The following LATS1 variants were observed in gnomAD, a reference collection of about 807,000 sequenced individuals.
LATS1 encodes large tumor suppressor kinase 1.
LATS1 carries 25 observed loss-of-function variants against 106.6 expected under a neutral mutation model. The ratio of observed to expected loss-of-function variants is 0.23; its 90% CI spans 0.17 to 0.33. The LOEUF (loss-of-function observed/expected upper bound fraction) is 0.33. Among genes scored for constraint, LATS1 ranks in the 10% least tolerant of loss-of-function variants. The probability of loss-of-function intolerance (pLI) is 1.00; values close to 1 mark genes in which losing one functional copy is unlikely to be tolerated. For synonymous variants in LATS1, 465 were observed against 455.6 expected (o/e 1.02, Z -0.26); for missense variants, 1,040 against 1,382.6 (o/e 0.75, Z 3.93).
chr6:149,696,343 T>C (rs1414237842), intron 2 of LATS1, among the ~76,000 whole-genome samples: 1 of 150,220 alleles, frequency 6.7e-6, no homozygotes, highest in Non-Finnish European at 1.5e-5. Flanking sequence ...CCGAGGCGGA[T>C]AGATCACCTG....
chr6:149,661,364 T>C lies in LATS1; in HGVS notation c.*365A>G, dbSNP rs1362133208. 4.2e-6 allele frequency: 1 copy of C among 240,596 alleles called. No homozygotes were observed. The highest frequency in any genetic ancestry group is 8.1e-6 in the Non-Finnish European group (1 of 123,860). 14.9% of individuals were successfully genotyped at this position (240,596 alleles called of 1,614,324 possible). A position where few individuals can be genotyped will look rare whatever the true frequency, so the allele number is the denominator to read the frequency against. ...AAAGCAAGATAAAACTAAAACTGTCTTTCAAAAAAATTTCAAAAACTCTTG... is the reference window on the plus strand; with the variant it reads ...AAAGCAAGATAAAACTAAAACTGTCCTTCAAAAAAATTTCAAAAACTCTTG... On this transcript the variant is annotated 3_prime_UTR_variant, in exon 8 of 8. Coordinates refer to ENST00000543571, the MANE Select transcript of LATS1 (RefSeq NM_004690.4).
chr6:149,715,149 A>G (rs1582940408), intron 1 of LATS1, among the ~76,000 whole-genome samples: 3 of 151,652 alleles, frequency 2.0e-5, no homozygotes, highest in South Asian at 2.1e-4. Flanking sequence ...GCTCACTGCA[A>G]CCTCCGTCTC....
At position 149,660,341 on chromosome 6, in the gene LATS1, C is replaced by T. The variant is rs1196624259; in HGVS notation, c.*1388G>A. The T allele has an allele frequency of 4.3e-6, 1 of 232,960 alleles. No homozygotes were observed. The highest frequency in any genetic ancestry group is 8.5e-6 in the Non-Finnish European group (1 of 117,986). The allele number at this position is 232,960 out of a possible 1,614,324, so 14.4% of individuals were successfully genotyped here. A position where few individuals can be genotyped will look rare whatever the true frequency, so the allele number is the denominator to read the frequency against. ...TTGCCCTAACTCTCCAATTCAACTG[C>T]AACAGCTCTGCCTTTAATTTTACTA... On this transcript the variant is annotated 3_prime_UTR_variant, in exon 8 of 8. Transcript: ENST00000543571.
intron 1 of LATS1, among the ~76,000 whole-genome samples, chr6:149,704,636 C>T (rs1783650201): frequency 6.6e-6 from 1 of 151,316 alleles, no homozygotes; most frequent in Non-Finnish European, 1.5e-5. Context: ...AACATGCCAC[C>T]CTGTCCAGCT....
At position 149,697,175 on chromosome 6, in the gene LATS1, C is replaced by T. The variant is rs769694846; in HGVS notation, c.349-1954G>A. ...GACTAATGGGTGAACAGGCTACTGA[C>T]AGATGATCCTCCTATATGAAATGAT... On this transcript the variant is annotated intron_variant, in intron 2 of 7. Coordinates refer to ENST00000543571, the MANE Select transcript of LATS1 (RefSeq NM_004690.4). The T allele has an allele frequency of 2.3e-6, 3 of 1,328,770 alleles. No individual in the cohort carries two copies. The East Asian group carries it at 1.4e-4, about 61-fold the overall frequency. 82.3% of individuals were successfully genotyped at this position (1,328,770 alleles called of 1,614,324 possible).
In LATS1 at chr6:149,683,819, T is replaced by C. The variant is rs1334672323; in HGVS notation, c.1270A>G (p.Ile424Val). 1.2e-6 allele frequency: 2 copies of C among 1,614,050 alleles called. No individual in the cohort carries two copies. The highest frequency in any genetic ancestry group is 2.2e-5 in the East Asian group (1 of 44,882). The change falls in exon 4 of 8, where the codon ATT becomes GTT. Residue 424 changes from isoleucine (I) to valine (V), a missense_variant. By Grantham distance (29) the Ile-to-Val change is conservative. Transcript: ENST00000543571. ...RNSHNMELYN[I>V]SVPGLQTNWP... ...TTTGTTTGCAGTCCAGGTACACTAA[T>C]GTTATATAGTTCCATGTTATGACTA... is the stretch of plus-strand genomic sequence containing the variant.
intron 5 of LATS1, among the ~76,000 whole-genome samples, chr6:149,678,475 G>A (rs754055982): frequency 3.7e-4 from 57 of 152,128 alleles, no homozygotes; most frequent in Non-Finnish European, 3.2e-4. Context: ...TAATTCAGTC[G>A]AATCTGGGAA....
intron 7 of LATS1, among the ~76,000 whole-genome samples, chr6:149,666,639 T>C (rs1205285511): frequency 8.9e-5 from 12 of 134,798 alleles, no homozygotes; most frequent in Admixed American, 4.5e-4. Context: ...AAAAAAAAAG[T>C]AGCCATTATA....
chr6:149,710,824 T>A (rs1325878166), intron 1 of LATS1, among the ~76,000 whole-genome samples: 1 of 152,240 alleles, frequency 6.6e-6, no homozygotes, highest in African/African-American at 2.4e-5. Flanking sequence ...TATTGGCTGC[T>A]ATTAGATATT....
At chr6:149,697,120 G>A (rs1325299845) in intron 2 of LATS1, 3 of 1,344,746 alleles carry the variant, frequency 2.2e-6, no homozygotes, top group African/African-American at 1.5e-5. Context: ...TATTTCAAAC[G>A]ACATTTTTAA....
At chr6:149,669,123 G>A (rs1781314932) in intron 7 of LATS1, among the ~76,000 whole-genome samples, 1 of 151,626 alleles carries the variant, frequency 6.6e-6, no homozygotes, top group African/African-American at 2.4e-5. Flanking sequence ...ATACCTGGCT[G>A]GATAAGGATT....
rs535240656 is a variant in LATS1, at chr6:149,686,463, G to A, written c.497-1871C>T. ...AGCTCTCCATGTTCTTCCACTTCCC[G>A]AACCTTTCCACCATGCCCTCCGGAT... is the stretch of plus-strand genomic sequence containing the variant. On this transcript the variant is annotated intron_variant, in intron 3 of 7. Coordinates refer to ENST00000543571, the MANE Select transcript of LATS1 (RefSeq NM_004690.4). Among the ~76,000 whole-genome samples the A allele has an allele frequency of 3.3e-5, 5 of 151,964 alleles. No individual in the cohort carries two copies. In the South Asian group the frequency reaches 6.2e-4, roughly 19 times the overall value.
chr6:149,682,718 G>A (rs1377862860), intron 4 of LATS1, among the ~76,000 whole-genome samples: 1 of 151,980 alleles, frequency 6.6e-6, no homozygotes, highest in East Asian at 1.9e-4. Context: ...CCCAGCCTGA[G>A]ACCCACATAT....
intron 1 of LATS1, among the ~76,000 whole-genome samples, chr6:149,708,909 T>G (rs1783939527): frequency 6.6e-6 from 1 of 152,148 alleles, no homozygotes; most frequent in Non-Finnish European, 1.5e-5. Flanking sequence ...TAGATCTTAC[T>G]ATATAGGTAG....
intron 1 of LATS1, among the ~76,000 whole-genome samples, chr6:149,709,201 A>G (rs1319563359): frequency 1.3e-5 from 2 of 152,200 alleles, no homozygotes; most frequent in African/African-American, 4.8e-5. Flanking sequence ...ATACCTCATT[A>G]TTCCCTCCTC....
intron 7 of LATS1, among the ~76,000 whole-genome samples, chr6:149,662,917 G>C (rs1308921327): frequency 6.9e-6 from 1 of 145,632 alleles, no homozygotes; most frequent in Non-Finnish European, 1.5e-5. Context: ...AGTGAGCCAT[G>C]ACTGCACCAC....
chr6:149,693,324 C>A (rs1475687992), intron 3 of LATS1, among the ~76,000 whole-genome samples: 5 of 147,914 alleles, frequency 3.4e-5, no homozygotes, highest in African/African-American at 1.2e-4. Flanking sequence ...TGAAAAATAA[C>A]CAATAGGCCA....
Position 149,680,098 on chromosome 6 carries a change from C to G in LATS1, c.2370G>C (p.Met790Ile), listed in dbSNP as rs369773889. The G allele has an allele frequency of 1.2e-5, 19 of 1,613,492 alleles. No homozygotes were observed. Among genetic ancestry groups the G allele is most frequent in the East Asian group, 2.2e-5 (1 of 44,872 alleles). Residue 790 changes from methionine (M) to isoleucine (I), a missense_variant, in exon 5 of 8, where the codon ATG becomes ATC. Met to Ile is a conservative substitution (Grantham distance 10). Coordinates refer to ENST00000543571, the MANE Select transcript of LATS1 (RefSeq NM_004690.4). The part of the protein sequence containing the change: ...FVMDYIPGGD[M>I]MSLLIRMGIF... ...TGCCCATTCTAATTAATAGGCTCAT[C>G]ATATCACCCCCAGGAATGTAGTCCA... is the stretch of plus-strand genomic sequence containing the variant.
chr6:149,704,919 C>CACAT (rs1417158924), intron 1 of LATS1, among the ~76,000 whole-genome samples: 1 of 151,178 alleles, frequency 6.6e-6, no homozygotes, highest in African/African-American at 2.4e-5. Context: ...CACACACACA[C>CACAT]ACACACACAA....
Sources: allele counts gnomAD v4.1 joint callset (sites outside exome capture counted in the v4.1 genomes callset), GRCh38; gene constraint gnomAD v4.1.1; transcripts MANE v1.5; gene names NCBI Gene and HGNC (gene_info 2026-07-23, HGNC 2026-07-21).